The following CHN1 variants were observed in gnomAD, a reference collection of about 807,000 sequenced individuals.
CHN1 encodes N-chimaerin.
Under a neutral mutation model 59.5 loss-of-function variants are expected in CHN1, and 37 were observed. The observed-to-expected ratio is 0.62, with a 90% CI of 0.48 to 0.82. CHN1 has a LOEUF of 0.82. Ranked by LOEUF, CHN1 falls within the 40% of genes least tolerant of loss-of-function variation. The pLI, the probability that CHN1 is intolerant of heterozygous loss-of-function variation, is 0.00. For missense variants in CHN1, 469 were observed against 571.0 expected, an observed-to-expected ratio of 0.82 and a Z score of 1.82; for synonymous variants, 206 against 200.4, an observed-to-expected ratio of 1.03 and a Z score of -0.24.
intron 1 of CHN1, among the ~76,000 whole-genome samples, chr2:174,996,014 C>T (rs772257525): frequency 6.7e-6 from 1 of 148,344 alleles, no homozygotes; most frequent in Non-Finnish European, 1.5e-5. Context: ...TAAAATTTTG[C>T]CATCGCTATG....
chr2:174,830,765 G>A (rs1261351553), intron 7 of CHN1, among the ~76,000 whole-genome samples: 1 of 152,194 alleles, frequency 6.6e-6, no homozygotes, highest in East Asian at 1.9e-4. Flanking sequence ...CTGGGGAAGG[G>A]GCGCAGGTGC....
chr2:174,981,186 T>C (rs577100029), intron 1 of CHN1, among the ~76,000 whole-genome samples: 7 of 152,286 alleles, frequency 4.6e-5, no homozygotes, highest in Admixed American at 2.6e-4. Flanking sequence ...ATCCTAAAAA[T>C]TGGGTCTTTG....
chr2:174,988,227 C>T (rs942502062), intron 1 of CHN1, among the ~76,000 whole-genome samples: 5 of 151,350 alleles, frequency 3.3e-5, no homozygotes, highest in South Asian at 2.1e-4. Context: ...CATGGTGGTG[C>T]GCGCCTGTAG....
intron 3 of CHN1, among the ~76,000 whole-genome samples, chr2:174,932,717 A>G (rs1689386208): frequency 2.6e-5 from 4 of 152,134 alleles, no homozygotes; most frequent in Admixed American, 2.6e-4. Flanking sequence ...TAGAGTTCTC[A>G]CGAGATTTGG....
At chr2:174,920,033 T>C (rs1017073641) in intron 3 of CHN1, among the ~76,000 whole-genome samples, 2 of 152,184 alleles carry the variant, frequency 1.3e-5, no homozygotes, top group African/African-American at 4.8e-5. Flanking sequence ...ACAAGTGAGA[T>C]CATGCAGTAT....
chr2:174,869,006 A>C (rs1049704436), intron 6 of CHN1, among the ~76,000 whole-genome samples: 2 of 152,196 alleles, frequency 1.3e-5, no homozygotes, highest in African/African-American at 4.8e-5. Context: ...AACTGTGATC[A>C]TGAGTATCAC....
intron 5 of CHN1, 85 bp from the exon 6 acceptor site, chr2:174,878,213 C>G: frequency 8.1e-7 from 1 of 1,239,034 alleles, no homozygotes; most frequent in South Asian, 1.7e-5. Flanking sequence ...CAAAAAAAAA[C>G]TATCGCTTTG....
chr2:174,985,578 A>G (rs547872183), intron 1 of CHN1, among the ~76,000 whole-genome samples: 1 of 152,332 alleles, frequency 6.6e-6, no homozygotes, highest in East Asian at 1.9e-4. Flanking sequence ...TATAGACTAC[A>G]AGCCTCATAA....
chr2:174,839,065 TGATA>T (rs1431019222), intron 7 of CHN1, among the ~76,000 whole-genome samples: 4 of 152,088 alleles, frequency 2.6e-5, no homozygotes, highest in Admixed American at 2.0e-4. Flanking sequence ...CATTTTTAAT[TGATA>T]AATAAAAATT....
chr2:174,886,430 G>T (rs993325212), intron 5 of CHN1, among the ~76,000 whole-genome samples: 5 of 152,036 alleles, frequency 3.3e-5, no homozygotes, highest in Admixed American at 2.0e-4. Context: ...CTAGTTCTTA[G>T]ATCTAGTTTT....
chr2:174,917,488 T>C (rs1373539123), intron 4 of CHN1, among the ~76,000 whole-genome samples: 1 of 151,880 alleles, frequency 6.6e-6, no homozygotes, highest in Non-Finnish European at 1.5e-5. Flanking sequence ...GAAAACAAAT[T>C]CTGAAACAAA....
At chr2:174,897,575 C>T (rs1345732498) in intron 5 of CHN1, among the ~76,000 whole-genome samples, 13 of 151,812 alleles carry the variant, frequency 8.6e-5, no homozygotes, top group Non-Finnish European at 1.9e-4. Flanking sequence ...GTATTCCCCC[C>T]GCCTCCTGTA....
At chr2:174,991,786 T>C (rs764127478) in intron 1 of CHN1, among the ~76,000 whole-genome samples, 1 of 152,252 alleles carries the variant, frequency 6.6e-6, no homozygotes, top group Non-Finnish European at 1.5e-5. Flanking sequence ...CCCTGGAAAT[T>C]GTTAAGCTAC....
intron 1 of CHN1, among the ~76,000 whole-genome samples, chr2:174,996,886 T>C (rs767157384): frequency 6.6e-6 from 1 of 152,178 alleles, no homozygotes; most frequent in Non-Finnish European, 1.5e-5. Context: ...CCCCATTTCA[T>C]ATGATGGGTT....
intron 1 of CHN1, among the ~76,000 whole-genome samples, chr2:174,971,282 C>G (rs1445056316): frequency 1.2e-4 from 19 of 152,294 alleles, no homozygotes; most frequent in Non-Finnish European, 2.2e-4. Context: ...CGTGCCACTG[C>G]ACTCCAGCCT....
intron 7 of CHN1, among the ~76,000 whole-genome samples, chr2:174,825,987 AT>A (rs2105403888): frequency 6.6e-6 from 1 of 152,346 alleles, no homozygotes; most frequent in South Asian, 2.1e-4. Flanking sequence ...GAATATCAGA[AT>A]TCAAAATACT....
intron 6 of CHN1, among the ~76,000 whole-genome samples, chr2:174,852,526 C>T: frequency 6.6e-6 from 1 of 152,088 alleles, no homozygotes; most frequent in Non-Finnish European, 1.5e-5. Flanking sequence ...ATAGATTCAA[C>T]ACTATTCCTG....
intron 1 of CHN1, among the ~76,000 whole-genome samples, chr2:174,982,061 C>T (rs1691172439): frequency 6.6e-6 from 1 of 151,972 alleles, no homozygotes; most frequent in Non-Finnish European, 1.5e-5. Flanking sequence ...GTTTTTTTGT[C>T]CTTGCGATAG....
rs375048455 is a variant in CHN1, at chr2:174,982,431, C to T, written c.19+22463G>A. Among the ~76,000 whole-genome samples, 165 of 152,280 alleles carry T rather than the reference C, an allele frequency of 1.1e-3. 5 individuals carry two copies. In the East Asian group the frequency reaches 0.03, roughly 27 times the overall value. ...TCCCACCAACAGTGTAAAAGTGTTC[C>T]TATTTCTCCACATCCTCTCCAGCGC... On this transcript the variant is annotated intron_variant, in intron 1 of 12. Transcript: ENST00000409900.
Sources: allele counts gnomAD v4.1 joint callset (sites outside exome capture counted in the v4.1 genomes callset), GRCh38; gene constraint gnomAD v4.1.1; transcripts MANE v1.5; gene names NCBI Gene and HGNC (gene_info 2026-07-23, HGNC 2026-07-21).